SLC26A7: variants seen among roughly 807,000 people sequenced by gnomAD.
SLC26A7 encodes the protein anion exchange transporter.
SLC26A7 carries 59 observed loss-of-function variants against 82.5 expected under a neutral mutation model. The ratio of observed to expected loss-of-function variants is 0.72; its 90% confidence interval spans 0.58 to 0.89. The LOEUF (loss-of-function observed/expected upper bound fraction) is 0.89, where lower values mean the gene tolerates loss of function less well. Among genes scored for constraint, SLC26A7 ranks in the 40% least tolerant of loss-of-function variants. The pLI is 0.00. For synonymous variants in SLC26A7, 271 were observed against 274.3 expected (o/e 0.99, Z 0.12); for missense variants, 820 against 793.0 (o/e 1.03, Z -0.41).
At chr8:91,277,750 T>A (rs936970749) in intron 2 of SLC26A7, among the ~76,000 whole-genome samples, 9 of 152,246 alleles carry the variant, frequency 5.9e-5, no homozygotes, top group African/African-American at 1.9e-4. Flanking sequence ...TTTTCAATTT[T>A]ATAGTTTAAA....
intron 2 of SLC26A7, among the ~76,000 whole-genome samples, chr8:91,229,128 C>A (rs529898371): frequency 6.6e-6 from 1 of 152,294 alleles, no homozygotes; most frequent in Non-Finnish European, 1.5e-5. Flanking sequence ...GCCAGTCTCT[C>A]TCTCCATATG....
intron 4 of SLC26A7, among the ~76,000 whole-genome samples, chr8:91,305,964 G>A (rs1216882811): frequency 1.3e-5 from 2 of 152,090 alleles, no homozygotes; most frequent in Non-Finnish European, 2.9e-5. Context: ...CATAGTTCTT[G>A]GCAAGATCAG....
chr8:91,354,782 C>T (rs1178321724), intron 11 of SLC26A7, among the ~76,000 whole-genome samples: 1 of 152,038 alleles, frequency 6.6e-6, no homozygotes, highest in Non-Finnish European at 1.5e-5. Context: ...TAATGTGGAT[C>T]AGTTGGAATG....
intron 1 of SLC26A7, among the ~76,000 whole-genome samples, chr8:91,217,018 A>C (rs1810061118): frequency 6.6e-6 from 1 of 152,106 alleles, no homozygotes; most frequent in Admixed American, 6.6e-5. Flanking sequence ...TTATATTGTG[A>C]AATCTTGCTT....
intron 1 of SLC26A7, among the ~76,000 whole-genome samples, chr8:91,215,840 T>A (rs1273263552): frequency 6.6e-6 from 1 of 152,176 alleles, no homozygotes; most frequent in Non-Finnish European, 1.5e-5. Flanking sequence ...AGGGAGTGTC[T>A]TATTCCTTTG....
intron 2 of SLC26A7, among the ~76,000 whole-genome samples, chr8:91,267,249 T>C (rs1248929972): frequency 6.6e-6 from 1 of 151,902 alleles, no homozygotes; most frequent in East Asian, 1.9e-4. Flanking sequence ...CTTATTTTGG[T>C]ATCAGGGTAA....
chr8:91,287,785 G>T (rs1811750425), intron 2 of SLC26A7, among the ~76,000 whole-genome samples: 1 of 152,172 alleles, frequency 6.6e-6, no homozygotes, highest in South Asian at 2.1e-4. Flanking sequence ...AATGCCAAAA[G>T]GTGCTTCTTG....
intron 4 of SLC26A7, among the ~76,000 whole-genome samples, chr8:91,297,842 T>C (rs1812056463): frequency 6.6e-6 from 1 of 152,188 alleles, no homozygotes; most frequent in Non-Finnish European, 1.5e-5. Flanking sequence ...TTTATTTGTG[T>C]ATTGTTTTGC....
At chr8:91,371,046 C>T (rs954470356) in intron 15 of SLC26A7, among the ~76,000 whole-genome samples, 2 of 151,780 alleles carry the variant, frequency 1.3e-5, no homozygotes, top group African/African-American at 4.8e-5. Context: ...AATGGAATGA[C>T]ATCTATTACT....
At chr8:91,258,403 C>A (rs866805602) in intron 2 of SLC26A7, among the ~76,000 whole-genome samples, 14 of 149,968 alleles carry the variant, frequency 9.3e-5, no homozygotes, top group African/African-American at 3.2e-4. Flanking sequence ...AAGTCACCCC[C>A]CCATCTACAC....
At position 91,271,917 on chromosome 8, in the gene SLC26A7, C is replaced by T. The variant is rs148437323; in HGVS notation, c.194-17219C>T. Among the ~76,000 whole-genome samples, 295 of 152,224 alleles carry T rather than the reference C, an allele frequency of 1.9e-3. 2 individuals are homozygous for T. The highest frequency in any genetic ancestry group is 3.4e-3 in the Non-Finnish European group (232 of 68,014). ...CCGAGAAATCTTATAGAAAGTTAGT[C>T]CTTCACAAAAACACTGAAACATGCC... On this transcript the variant is annotated intron_variant, in intron 2 of 18. Transcript: ENST00000276609.
chr8:91,334,375 T>C lies in SLC26A7; in HGVS notation c.723T>C (p.Leu241=). ...TATCCTTGCTGAGCATTGTGGTCCT[T>C]GTTCTTGTTAAAGAGCTGAATGAAC... ...LLLSLLSIVV[L]VLVKELNEQF... Residue 241 remains leucine, a synonymous_variant, in exon 6 of 19, where the codon CTT becomes CTC. Coordinates refer to ENST00000276609, the MANE Select transcript of SLC26A7 (RefSeq NM_052832.4). 2 of 1,613,574 alleles carry C rather than the reference T, an allele frequency of 1.2e-6. No homozygotes were observed. The highest frequency in any genetic ancestry group is 1.7e-6 in the Non-Finnish European group (2 of 1,179,648).
At chr8:91,295,047 GA>G (rs1238366429) in intron 3 of SLC26A7, among the ~76,000 whole-genome samples, 1 of 152,070 alleles carries the variant, frequency 6.6e-6, no homozygotes, top group African/African-American at 2.4e-5. Context: ...GCATTTCAGG[GA>G]AAAAGCTGAA....
intron 5 of SLC26A7, 91 bp downstream of exon 5, chr8:91,318,471 G>A: frequency 8.5e-7 from 1 of 1,172,452 alleles, no homozygotes; most frequent in South Asian, 1.9e-5. Flanking sequence ...AGATTTTTCT[G>A]TATTAAAGCA....
Position 91,334,455 on chromosome 8 carries a change from T to C in SLC26A7, c.795+8T>C, listed in dbSNP as rs190091673. On this transcript the variant is annotated splice_region_variant and intron_variant, in intron 6 of 18. Coordinates refer to ENST00000276609, the MANE Select transcript of SLC26A7 (RefSeq NM_052832.4). ...CCTGTAGATTTAGTTTTGGTAAGTA[T>C]AAAATCAACATTTAGCTTTTTGCCA... 577 of 1,607,366 alleles carry C rather than the reference T, an allele frequency of 3.6e-4. 1 individual carries two copies. The East Asian group carries it at 9.5e-3, about 26-fold the overall frequency.
intron 9 of SLC26A7, among the ~76,000 whole-genome samples, chr8:91,346,415 A>G (rs1209157347): frequency 6.6e-6 from 1 of 152,148 alleles, no homozygotes; most frequent in Non-Finnish European, 1.5e-5. Context: ...TTGTGAAAGC[A>G]ACTTTCTATG....
At chr8:91,375,650 C>T (rs185360532) in intron 15 of SLC26A7, among the ~76,000 whole-genome samples, 1 of 148,652 alleles carries the variant, frequency 6.7e-6, no homozygotes, top group Non-Finnish European at 1.5e-5. Flanking sequence ...TCTCTAGCTG[C>T]CTTTAAGTTG....
At chr8:91,351,468 G>A (rs921236) in intron 9 of SLC26A7, among the ~76,000 whole-genome samples, 16,699 of 152,070 alleles carry the variant, frequency 0.11, 1,103 homozygotes, top group African/African-American at 0.18. Flanking sequence ...AACAACAACA[G>A]GCTAAAGAAA....
chr8:91,329,651 T>C (rs912454278), intron 5 of SLC26A7, among the ~76,000 whole-genome samples: 1 of 152,180 alleles, frequency 6.6e-6, no homozygotes, highest in Non-Finnish European at 1.5e-5. Context: ...GACATTGTCA[T>C]GGCATACTTT....
Sources: allele counts gnomAD v4.1 joint callset (sites outside exome capture counted in the v4.1 genomes callset), GRCh38; gene constraint gnomAD v4.1.1; transcripts MANE v1.5; gene names NCBI Gene and HGNC (gene_info 2026-07-23, HGNC 2026-07-21).